Variants in TBC1D22A observed in about 807,000 individuals in gnomAD.
TBC1D22A encodes the protein TBC1 domain family member 22A.
A neutral mutation model predicts 60.2 loss-of-function variants in TBC1D22A; 38 were observed. That is an observed-to-expected ratio of 0.63 (90% CI 0.49 to 0.83). The LOEUF (loss-of-function observed/expected upper bound fraction) is 0.83, where lower values mean the gene tolerates loss of function less well. TBC1D22A is among the 40% of genes least tolerant of loss of function. TBC1D22A has a pLI of 0.00. For missense variants in TBC1D22A, 628 were observed against 701.0 expected (o/e 0.90, Z 1.18); for synonymous variants, 302 against 281.7 (o/e 1.07, Z -0.72).
intron 4 of TBC1D22A, among the ~76,000 whole-genome samples, chr22:46,863,071 G>A (rs1311995305): frequency 5.3e-5 from 8 of 152,170 alleles, no homozygotes; most frequent in Non-Finnish European, 1.2e-4. Flanking sequence ...CTGCCCTCCT[G>A]GGGGAGAGAG....
chr22:46,933,385 C>G (rs909854779), intron 8 of TBC1D22A, among the ~76,000 whole-genome samples: 21 of 152,198 alleles, frequency 1.4e-4, no homozygotes, highest in Non-Finnish European at 1.5e-5. Flanking sequence ...AGAGGTTTCT[C>G]CAGGTCCAGG....
In TBC1D22A at chr22:46,815,285, G is replaced by A. The variant is rs6007969; in HGVS notation, c.637+17665G>A. ...CTGTGCGGCGGTCGCTTGTTCACTCGTGTTGTCTTGCTTGTCCCTGCGGTT... is the reference window on the plus strand; with the variant it reads ...CTGTGCGGCGGTCGCTTGTTCACTCATGTTGTCTTGCTTGTCCCTGCGGTT... On this transcript the variant is annotated intron_variant, in intron 4 of 12. Coordinates refer to ENST00000337137, the MANE Select transcript of TBC1D22A (RefSeq NM_014346.5). 4.3e-3 allele frequency among the ~76,000 whole-genome samples: 653 copies of A among 152,312 alleles called. 8 individuals are homozygous for A. The highest frequency in any genetic ancestry group is 0.015 in the African/African-American group (633 of 41,540).
chr22:47,003,393 C>T (rs1205876636), intron 10 of TBC1D22A, among the ~76,000 whole-genome samples: 2 of 151,610 alleles, frequency 1.3e-5, no homozygotes, highest in African/African-American at 2.4e-5. Context: ...CACACACACC[C>T]TACACACACA....
intron 11 of TBC1D22A, among the ~76,000 whole-genome samples, chr22:47,096,610 C>T (rs1253085765): frequency 6.6e-6 from 1 of 152,006 alleles, no homozygotes; most frequent in Admixed American, 6.6e-5. Context: ...TCACTTGAGG[C>T]CAGGAGTTTG....
chr22:47,089,947 G>T (rs531001225), intron 11 of TBC1D22A, among the ~76,000 whole-genome samples: 2 of 152,292 alleles, frequency 1.3e-5, no homozygotes, highest in East Asian at 3.9e-4. Context: ...GATAAGCAGA[G>T]GTCAGAACAG....
intron 8 of TBC1D22A, among the ~76,000 whole-genome samples, chr22:46,941,218 C>CACACACACACACACAG (rs2072024765): frequency 8.0e-6 from 1 of 124,244 alleles, no homozygotes; most frequent in African/African-American, 3.2e-5. Flanking sequence ...TACACACACA[C>CACACACACACACACAG]ACACACACAC....
chr22:46,768,439 C>T (rs190147046), intron 1 of TBC1D22A, among the ~76,000 whole-genome samples: 2,019 of 141,760 alleles, frequency 0.014, 51 homozygotes, highest in African/African-American at 0.045. Flanking sequence ...GAGCCAAGGT[C>T]GCGCCACCGC....
At chr22:46,763,056 T>C (rs1375549880) in intron 1 of TBC1D22A, among the ~76,000 whole-genome samples, 2 of 151,978 alleles carry the variant, frequency 1.3e-5, no homozygotes, top group Non-Finnish European at 2.9e-5. Flanking sequence ...GGATCGAGGC[T>C]TGCAAGGACG....
At chr22:47,071,190 C>T (rs1488869620) in intron 11 of TBC1D22A, among the ~76,000 whole-genome samples, 2 of 152,236 alleles carry the variant, frequency 1.3e-5, no homozygotes, top group Admixed American at 1.3e-4. Flanking sequence ...ACAGTAATTT[C>T]CACGTATTAA....
chr22:46,979,383 C>CT (rs1235386519), intron 9 of TBC1D22A, among the ~76,000 whole-genome samples: 17 of 152,320 alleles, frequency 1.1e-4, no homozygotes, highest in African/African-American at 3.6e-4. Context: ...GAGAAAATAT[C>CT]TTCCAGAGAC....
intron 1 of TBC1D22A, among the ~76,000 whole-genome samples, chr22:46,767,283 TA>T (rs2083321266): frequency 6.6e-6 from 1 of 152,220 alleles, no homozygotes; most frequent in African/African-American, 2.4e-5. Context: ...TTCACCAAGT[TA>T]CCTCTGGGGC....
chr22:47,081,875 C>T (rs536449065), intron 11 of TBC1D22A, among the ~76,000 whole-genome samples: 3 of 152,252 alleles, frequency 2.0e-5, no homozygotes, highest in South Asian at 2.1e-4. Flanking sequence ...TATTAATTGA[C>T]GGCCAGGCAT....
At chr22:47,152,709 G>A (rs539487804) in intron 12 of TBC1D22A, among the ~76,000 whole-genome samples, 2 of 152,194 alleles carry the variant, frequency 1.3e-5, no homozygotes, top group African/African-American at 2.4e-5. Flanking sequence ...TTTAACTCTC[G>A]TGATGAGAAA....
At chr22:47,050,178 AT>A (rs1478867549) in intron 11 of TBC1D22A, among the ~76,000 whole-genome samples, 1 of 151,958 alleles carries the variant, frequency 6.6e-6, no homozygotes, top group East Asian at 1.9e-4. Flanking sequence ...TAATTTTTGT[AT>A]TTTTTAGTAG....
intron 11 of TBC1D22A, among the ~76,000 whole-genome samples, chr22:47,063,569 G>T (rs887491622): frequency 1.3e-5 from 2 of 152,162 alleles, no homozygotes; most frequent in Non-Finnish European, 1.5e-5. Context: ...GGAGCACTGT[G>T]TTGAGGGTGA....
intron 11 of TBC1D22A, among the ~76,000 whole-genome samples, chr22:47,050,958 C>CG (rs940911145): frequency 3.9e-5 from 6 of 152,012 alleles, no homozygotes; most frequent in South Asian, 2.1e-4. Context: ...CAGGGGGTGG[C>CG]GGGGGCAGTC....
intron 11 of TBC1D22A, among the ~76,000 whole-genome samples, chr22:47,091,901 A>T (rs1045478354): frequency 1.3e-5 from 2 of 152,202 alleles, no homozygotes; most frequent in Non-Finnish European, 2.9e-5. Flanking sequence ...TGTTTTGGGT[A>T]CAGAGCTCTG....
chr22:46,904,429 G>A (rs115774496), intron 7 of TBC1D22A, among the ~76,000 whole-genome samples: 2,365 of 152,008 alleles, frequency 0.016, 84 homozygotes, highest in Admixed American at 0.075. Flanking sequence ...TCTCAGCCGC[G>A]AGTGCTTTCC....
intron 11 of TBC1D22A, among the ~76,000 whole-genome samples, chr22:47,102,941 C>T (rs2065473580): frequency 6.6e-6 from 1 of 152,208 alleles, no homozygotes; most frequent in Admixed American, 6.5e-5. Flanking sequence ...TCACGTGCTA[C>T]TCAGGGCTGG....
Sources: gnomAD v4.1 joint callset for allele counts (sites outside exome capture counted in the v4.1 genomes callset) on GRCh38, gnomAD v4.1.1 for gene constraint, MANE v1.5 for transcripts, NCBI Gene and HGNC (gene_info 2026-07-23, HGNC 2026-07-21) for gene names.